The following DNAH14 variants were observed in gnomAD, a reference collection of about 807,000 sequenced individuals.
The protein encoded by DNAH14 is dynein axonemal heavy chain 14, also known as axonemal beta dynein heavy chain 14.
A neutral mutation model predicts 520.9 loss-of-function variants in DNAH14; 478 were observed. The observed-to-expected ratio is 0.92, with a 90% CI of 0.85 to 0.99. The LOEUF is 0.99. Ranked by LOEUF, DNAH14 falls within the 50% of genes least tolerant of loss-of-function variation. DNAH14 has a pLI of 0.00. For missense variants in DNAH14, 4,831 were observed against 5,234.5 expected, an observed-to-expected ratio of 0.92 and a Z score of 2.38; for synonymous variants, 1,581 against 1,757.2, an observed-to-expected ratio of 0.90 and a Z score of 2.51.
intron 1 of DNAH14, among the ~76,000 whole-genome samples, chr1:224,940,320 C>T (rs952379362): frequency 6.6e-6 from 1 of 152,142 alleles, no homozygotes; most frequent in Non-Finnish European, 1.5e-5. Flanking sequence ...CAAAGGAGTT[C>T]ACTAAGACCA....
chr1:224,965,166 C>T (rs1016617033), intron 5 of DNAH14, among the ~76,000 whole-genome samples: 1 of 152,036 alleles, frequency 6.6e-6, no homozygotes, highest in Admixed American at 6.6e-5. Flanking sequence ...GTCCTGAGAC[C>T]TCATTTATTA....
At chr1:225,135,264 C>G (rs2078851365) in intron 27 of DNAH14, among the ~76,000 whole-genome samples, 1 of 152,120 alleles carries the variant, frequency 6.6e-6, no homozygotes, top group South Asian at 2.1e-4. Flanking sequence ...AACTTGAGGT[C>G]TCTCTAGCTT....
chr1:225,377,485 T>C, intron 79 of DNAH14, 49 bp downstream of exon 79: 1 of 1,503,138 alleles, frequency 6.7e-7, no homozygotes, highest in Non-Finnish European at 8.9e-7. Flanking sequence ...TCAGGCTGGG[T>C]CTGGCAGCTC....
chr1:225,195,888 G>T (rs1020212789), intron 38 of DNAH14, among the ~76,000 whole-genome samples: 1 of 151,978 alleles, frequency 6.6e-6, no homozygotes, highest in Non-Finnish European at 1.5e-5. Flanking sequence ...AGGATATGTA[G>T]AATGATGGTG....
chr1:225,383,943 G>A (rs1320114197), intron 81 of DNAH14, among the ~76,000 whole-genome samples: 1 of 152,116 alleles, frequency 6.6e-6, no homozygotes, highest in Non-Finnish European at 1.5e-5. Context: ...TTGTGTCTTT[G>A]TTTTCATTGG....
intron 36 of DNAH14, among the ~76,000 whole-genome samples, chr1:225,178,663 G>A (rs1300809006): frequency 2.6e-5 from 4 of 152,230 alleles, no homozygotes; most frequent in Non-Finnish European, 2.9e-5. Flanking sequence ...CCTCTTCTCA[G>A]ATGAGACTTT....
At chr1:225,016,159 G>A (rs997156293) in intron 10 of DNAH14, among the ~76,000 whole-genome samples, 2 of 152,186 alleles carry the variant, frequency 1.3e-5, no homozygotes, top group Non-Finnish European at 2.9e-5. Context: ...CACACAACCT[G>A]TTCTGGGACT....
intron 17 of DNAH14, among the ~76,000 whole-genome samples, chr1:225,065,850 C>G (rs1033352802): frequency 2.0e-5 from 3 of 152,032 alleles, no homozygotes; most frequent in African/African-American, 7.2e-5. Context: ...CTCTGACATA[C>G]TTATTTCAGA....
chr1:225,123,191 C>A (rs1403432931), intron 26 of DNAH14, among the ~76,000 whole-genome samples: 1 of 152,118 alleles, frequency 6.6e-6, no homozygotes, highest in African/African-American at 2.4e-5. Flanking sequence ...CCCAGTATTC[C>A]ATTTTGTAGA....
chr1:225,350,500 A>G (rs1457964758), intron 71 of DNAH14, among the ~76,000 whole-genome samples: 2 of 152,070 alleles, frequency 1.3e-5, no homozygotes, highest in African/African-American at 4.8e-5. Context: ...AAATTTGCAA[A>G]CCTTGAGCTC....
intron 2 of DNAH14, 163 bp downstream of exon 2, chr1:224,952,942 C>G: frequency 8.6e-6 from 4 of 465,216 alleles, no homozygotes; most frequent in Non-Finnish European, 1.1e-5. Context: ...GGAGTGTTTT[C>G]TGATAAGACA....
intron 31 of DNAH14, 68 bp downstream of exon 31, chr1:225,147,317 T>C: frequency 7.3e-7 from 1 of 1,374,498 alleles, no homozygotes; most frequent in Non-Finnish European, 9.4e-7. Context: ...TAGTTAATTA[T>C]TGTTAAATAT....
chr1:224,950,782 G>A (rs1188131923), intron 1 of DNAH14, among the ~76,000 whole-genome samples: 5 of 152,152 alleles, frequency 3.3e-5, no homozygotes, highest in Admixed American at 6.5e-5. Flanking sequence ...AACCACTTTA[G>A]TGATAGGTAA....
Position 225,140,728 on chromosome 1 carries a change from TAG to T in DNAH14, c.4255-32_4255-31del, listed in dbSNP as rs554371106. 1.9e-5 allele frequency: 25 copies of T among 1,308,150 alleles called. 1 individual carries two copies. In the Admixed American group the frequency reaches 2.3e-4, roughly 12 times the overall value. 81.0% of individuals were successfully genotyped at this position (1,308,150 alleles called of 1,614,324 possible). ...AATTTATGCTTCAATTATATATATA[TAG>T]AGAGAGATATATATATAACATTATC... On this transcript the variant is annotated intron_variant, in intron 27 of 85. Coordinates refer to ENST00000682510, the MANE Select transcript of DNAH14 (RefSeq NM_001367479.1).
At chr1:224,952,297 C>T (rs907813047) in intron 1 of DNAH14, among the ~76,000 whole-genome samples, 1 of 152,202 alleles carries the variant, frequency 6.6e-6, no homozygotes, top group Non-Finnish European at 1.5e-5. Flanking sequence ...TCATCAGCTT[C>T]AGCTACCACT....
chr1:225,037,000 T>C (rs1320581652), intron 11 of DNAH14, among the ~76,000 whole-genome samples: 1 of 152,226 alleles, frequency 6.6e-6, no homozygotes, highest in African/African-American at 2.4e-5. Flanking sequence ...CTTTTTATAC[T>C]TTTTGTTGTA....
chr1:225,185,278 A>G lies in DNAH14; in HGVS notation c.5536-13A>G, dbSNP rs1207659570. On this transcript the variant is annotated splice_polypyrimidine_tract_variant and intron_variant, in intron 36 of 85. Coordinates refer to ENST00000682510, the MANE Select transcript of DNAH14 (RefSeq NM_001367479.1). ...TCATTAATGAATGAATAAATCTGTA[A>G]ATTTTGTTTTAGGTTTGTGTTGGTG... is the stretch of plus-strand genomic sequence containing the variant. 6.5e-7 allele frequency: 1 copy of G among 1,538,110 alleles called. No homozygotes were observed. The highest frequency in any genetic ancestry group is 2.1e-5 in the Admixed American group (1 of 47,734).
intron 38 of DNAH14, among the ~76,000 whole-genome samples, 177 bp from the exon 39 acceptor site, chr1:225,204,006 G>A (rs1053563251): frequency 3.3e-5 from 5 of 152,150 alleles, no homozygotes; most frequent in African/African-American, 1.2e-4. Context: ...AAGTAAATAA[G>A]CTATAGTCAC....
chr1:225,288,472 G>C (rs2093796507), intron 54 of DNAH14, among the ~76,000 whole-genome samples: 1 of 152,028 alleles, frequency 6.6e-6, no homozygotes. Flanking sequence ...AAAAAGTATG[G>C]ACTTCAGTTA....
Sources: gnomAD v4.1 joint callset for allele counts (sites outside exome capture counted in the v4.1 genomes callset) on GRCh38, gnomAD v4.1.1 for gene constraint, MANE v1.5 for transcripts, NCBI Gene and HGNC (gene_info 2026-07-23, HGNC 2026-07-21) for gene names.